Variants in TMEM132D observed in about 807,000 individuals in gnomAD.
TMEM132D encodes transmembrane protein 132D.
In TMEM132D, 21 loss-of-function variants were observed where a neutral mutation model predicts 62.3. The observed-to-expected ratio is 0.34, with a 90% CI of 0.24 to 0.49. TMEM132D has a LOEUF of 0.49. Ranked by LOEUF, TMEM132D falls within the 20% of genes least tolerant of loss-of-function variation. The probability of loss-of-function intolerance (pLI) is 0.99; values close to 1 mark genes in which losing one functional copy is unlikely to be tolerated. For missense variants in TMEM132D, 1,346 were observed against 1,402.8 expected, an observed-to-expected ratio of 0.96 and a Z score of 0.65; for synonymous variants, 621 against 575.6, an observed-to-expected ratio of 1.08 and a Z score of -1.13.
At chr12:129,102,522 A>G (rs1032405262) in intron 5 of TMEM132D, among the ~76,000 whole-genome samples, 19 of 151,010 alleles carry the variant, frequency 1.3e-4, no homozygotes, top group Non-Finnish European at 2.4e-4. Context: ...ACACACGCAC[A>G]CACACAACAC....
chr12:129,720,587 G>A (rs2398470), intron 1 of TMEM132D, among the ~76,000 whole-genome samples: 78,230 of 151,676 alleles, frequency 0.52, 20,530 homozygotes, highest in Middle Eastern at 0.62. Context: ...TGACAGTGCC[G>A]TGGCTGGGCC....
At chr12:129,600,835 C>G (rs1565918413) in intron 2 of TMEM132D, among the ~76,000 whole-genome samples, 1 of 152,040 alleles carries the variant, frequency 6.6e-6, no homozygotes, top group African/African-American at 2.4e-5. Context: ...CTTTGTTGTT[C>G]CATTTATAGA....
chr12:129,527,629 G>A (rs1467675640), intron 3 of TMEM132D, among the ~76,000 whole-genome samples: 2 of 152,078 alleles, frequency 1.3e-5, no homozygotes, highest in Admixed American at 6.6e-5. Context: ...GGTGAGCTTT[G>A]GGAAACACTT....
At chr12:129,734,812 C>T (rs886186804) in intron 1 of TMEM132D, among the ~76,000 whole-genome samples, 5 of 152,066 alleles carry the variant, frequency 3.3e-5, no homozygotes, top group Non-Finnish European at 5.9e-5. Flanking sequence ...TAGCCTCCTA[C>T]TGAAAGCATC....
At chr12:129,388,311 T>C (rs113694221) in intron 3 of TMEM132D, among the ~76,000 whole-genome samples, 517 of 40,796 alleles carry the variant, frequency 0.013, no homozygotes, top group African/African-American at 0.024. Flanking sequence ...AACACTAACA[T>C]GAATCCTAAT....
At chr12:129,462,809 G>A (rs1422802447) in intron 3 of TMEM132D, among the ~76,000 whole-genome samples, 1 of 152,166 alleles carries the variant, frequency 6.6e-6, no homozygotes, top group African/African-American at 2.4e-5. Context: ...GGAGGTTGAG[G>A]CAATAGAGAA....
At position 129,589,756 on chromosome 12, in the gene TMEM132D, A is replaced by G. The variant is rs554959925; in HGVS notation, c.969-58551T>C. On this transcript the variant is annotated intron_variant, in intron 2 of 8. Coordinates refer to ENST00000422113, the MANE Select transcript of TMEM132D (RefSeq NM_133448.3). ...ACAGCCACAGTCCCTCGGCGAGCAG[A>G]CAGAGTTATCGCAGCTCAACATAAA... Among the ~76,000 whole-genome samples the G allele has an allele frequency of 4.6e-5, 7 of 152,258 alleles. No homozygotes were observed. The East Asian group carries it at 1.4e-3, about 29-fold the overall frequency.
intron 5 of TMEM132D, chr12:129,112,979 A>G (rs1267755393): frequency 6.6e-6 from 1 of 152,218 alleles, no homozygotes; most frequent in African/African-American, 2.4e-5. Flanking sequence ...TGCTATTGCT[A>G]TTGAGGGCAG....
intron 4 of TMEM132D, among the ~76,000 whole-genome samples, chr12:129,230,223 G>A (rs1879597413): frequency 6.7e-6 from 1 of 150,228 alleles, no homozygotes; most frequent in Admixed American, 6.6e-5. Context: ...TACTTCCCCA[G>A]CCTGGCCATC....
At chr12:129,468,797 C>A (rs1017190370) in intron 3 of TMEM132D, among the ~76,000 whole-genome samples, 1 of 152,198 alleles carries the variant, frequency 6.6e-6, no homozygotes, top group African/African-American at 2.4e-5. Flanking sequence ...CTAAGTGCTC[C>A]AAGCTGAAGG....
intron 4 of TMEM132D, among the ~76,000 whole-genome samples, chr12:129,309,059 T>A (rs1881909832): frequency 6.6e-6 from 1 of 152,210 alleles, no homozygotes; most frequent in Non-Finnish European, 1.5e-5. Flanking sequence ...GTTTGCCCAC[T>A]CATGTAAAGA....
intron 4 of TMEM132D, among the ~76,000 whole-genome samples, chr12:129,214,350 A>C (rs543578310): frequency 3.9e-5 from 6 of 152,320 alleles, no homozygotes; most frequent in African/African-American, 1.4e-4. Context: ...ATAGTCATTT[A>C]TTCATGTTGA....
At chr12:129,245,467 T>C (rs1880071595) in intron 4 of TMEM132D, among the ~76,000 whole-genome samples, 1 of 152,212 alleles carries the variant, frequency 6.6e-6, no homozygotes. Context: ...TTAAGGGACA[T>C]CTTGGTTGCT....
At chr12:129,483,487 T>C (rs1874489220) in intron 3 of TMEM132D, among the ~76,000 whole-genome samples, 1 of 152,236 alleles carries the variant, frequency 6.6e-6, no homozygotes, top group Admixed American at 6.5e-5. Flanking sequence ...ACCCTGTGTC[T>C]TCTGAATCAA....
At chr12:129,326,231 T>G (rs558622026) in intron 4 of TMEM132D, among the ~76,000 whole-genome samples, 1 of 152,320 alleles carries the variant, frequency 6.6e-6, no homozygotes, top group African/African-American at 2.4e-5. Context: ...TAACACTACT[T>G]TTTTATTTTT....
At chr12:129,396,549 C>T (rs886809137) in intron 3 of TMEM132D, among the ~76,000 whole-genome samples, 10 of 152,194 alleles carry the variant, frequency 6.6e-5, no homozygotes, top group African/African-American at 1.4e-4. Context: ...TTGTTGTCTA[C>T]GTGGACAAGG....
At chr12:129,310,981 G>A (rs1336885041) in intron 4 of TMEM132D, among the ~76,000 whole-genome samples, 1 of 96,038 alleles carries the variant, frequency 1.0e-5, no homozygotes, top group Non-Finnish European at 1.9e-5. Context: ...GGCGGATCAC[G>A]AGGTCAGGAG....
At chr12:129,766,955 C>A (rs1051936427) in intron 1 of TMEM132D, among the ~76,000 whole-genome samples, 24 of 152,166 alleles carry the variant, frequency 1.6e-4, no homozygotes, top group African/African-American at 5.5e-4. Flanking sequence ...TTAGCTTGCC[C>A]TCTAACTAGC....
chr12:129,509,160 AG>A (rs1402612198), intron 3 of TMEM132D, among the ~76,000 whole-genome samples: 1 of 152,200 alleles, frequency 6.6e-6, no homozygotes, highest in African/African-American at 2.4e-5. Context: ...AAATTTTCTG[AG>A]GCCACTTTTA....
Sources: allele counts gnomAD v4.1 joint callset (sites outside exome capture counted in the v4.1 genomes callset), GRCh38; gene constraint gnomAD v4.1.1; transcripts MANE v1.5; gene names NCBI Gene and HGNC (gene_info 2026-07-23, HGNC 2026-07-21).